The following RASA1 variants were observed in gnomAD, a reference collection of about 807,000 sequenced individuals.
RASA1 encodes the protein ras GTPase-activating protein 1.
RASA1 carries 25 observed loss-of-function variants against 132.2 expected under a neutral mutation model. The observed-to-expected ratio is 0.19, with a 90% CI of 0.14 to 0.26. The LOEUF is 0.26. Ranked by LOEUF, RASA1 falls within the 10% of genes least tolerant of loss-of-function variation. RASA1 has a pLI of 1.00. For synonymous variants in RASA1, 477 were observed against 449.9 expected, an observed-to-expected ratio of 1.06 and a Z score of -0.76; for missense variants, 964 against 1,299.2, an observed-to-expected ratio of 0.74 and a Z score of 3.97.
At chr5:87,387,534 G>GT (rs1391718396) in intron 23 of RASA1, among the ~76,000 whole-genome samples, 1 of 152,110 alleles carries the variant, frequency 6.6e-6, no homozygotes, top group Non-Finnish European at 1.5e-5. Flanking sequence ...AAACTTATTA[G>GT]TAATTCAGTT....
At chr5:87,284,225 A>G (rs751501993) in intron 1 of RASA1, among the ~76,000 whole-genome samples, 10 of 152,164 alleles carry the variant, frequency 6.6e-5, no homozygotes, top group Non-Finnish European at 8.8e-5. Context: ...TGAGGATGCA[A>G]TTGTAGTGTT....
chr5:87,338,536 A>ATATATATATTTTTT, intron 5 of RASA1, among the ~76,000 whole-genome samples: 7 of 85,216 alleles, frequency 8.2e-5, no homozygotes, highest in East Asian at 9.9e-4. Flanking sequence ...TATATATAAA[A>ATATATATATTTTTT]TTTTTTTTTT....
chr5:87,362,698 C>A (rs2112457579), intron 10 of RASA1, 27 bp downstream of exon 10: 1 of 1,594,486 alleles, frequency 6.3e-7, no homozygotes, highest in Non-Finnish European at 8.6e-7. Context: ...ATCATTAACC[C>A]ATTTGATAGA....
At chr5:87,304,885 G>T (rs1580220901) in intron 1 of RASA1, among the ~76,000 whole-genome samples, 1 of 134,218 alleles carries the variant, frequency 7.5e-6, no homozygotes, top group Non-Finnish European at 1.6e-5. Flanking sequence ...ATTCTTTCCT[G>T]TAGGTTAGGA....
chr5:87,379,560 G>A (rs1761560856), intron 18 of RASA1, among the ~76,000 whole-genome samples, 175 bp from the exon 19 acceptor site: 1 of 152,090 alleles, frequency 6.6e-6, no homozygotes, highest in Non-Finnish European at 1.5e-5. Context: ...CCTACCAGGA[G>A]GAGTTCCATA....
At chr5:87,322,505 T>C (rs560081790) in intron 1 of RASA1, among the ~76,000 whole-genome samples, 18 of 152,150 alleles carry the variant, frequency 1.2e-4, no homozygotes, top group African/African-American at 3.4e-4. Context: ...GTGCCGGAGG[T>C]TGGGGACTAC....
intron 20 of RASA1, 32 bp from the exon 21 acceptor site, chr5:87,383,681 A>AAT: frequency 6.8e-7 from 1 of 1,474,422 alleles, no homozygotes; most frequent in Non-Finnish European, 9.2e-7. Context: ...TGTTTTCTAA[A>AAT]AAAAAAAAAA....
Position 87,297,410 on chromosome 5 carries a change from T to C in RASA1, c.539+28420T>C, listed in dbSNP as rs1053085735. On this transcript the variant is annotated intron_variant, in intron 1 of 24. Transcript: ENST00000274376. ...ATGTAGTTATAAGGGAGGCATTGTG[T>C]AGTTCTAGTATTAGGTCCCAGTTTT... Among the ~76,000 whole-genome samples, 10 of 152,330 alleles carry C rather than the reference T, an allele frequency of 6.6e-5. No homozygotes were observed. The East Asian group carries it at 1.7e-3, about 26-fold the overall frequency.
At chr5:87,282,302 C>T (rs755418882) in intron 1 of RASA1, among the ~76,000 whole-genome samples, 9 of 152,100 alleles carry the variant, frequency 5.9e-5, no homozygotes, top group Non-Finnish European at 1.3e-4. Flanking sequence ...GTCATTATTT[C>T]ACCATTATTC....
In RASA1 at chr5:87,347,721, T is replaced by C. The variant is rs57144079; in HGVS notation, c.1102+997T>C. ...GGTTAAGTAGGTTCAAAAAATAAGTTAAAAAAGATTATGATAATGCTATAT... is the reference window on the plus strand; with the variant it reads ...GGTTAAGTAGGTTCAAAAAATAAGTCAAAAAAGATTATGATAATGCTATAT... On this transcript the variant is annotated intron_variant, in intron 7 of 24. Transcript: ENST00000274376. Among the ~76,000 whole-genome samples, 1,193 of 152,084 alleles carry C rather than the reference T, an allele frequency of 7.8e-3. 21 individuals carry two copies. Among genetic ancestry groups the C allele is most frequent in the African/African-American group, 0.028 (1,143 of 41,530 alleles).
chr5:87,290,843 T>C (rs182266218), intron 1 of RASA1, among the ~76,000 whole-genome samples: 1 of 152,378 alleles, frequency 6.6e-6, no homozygotes, highest in African/African-American at 2.4e-5. Flanking sequence ...TTTGTCTGAA[T>C]GCACCATAAT....
chr5:87,276,282 C>T (rs1444595387), intron 1 of RASA1, among the ~76,000 whole-genome samples: 2 of 152,132 alleles, frequency 1.3e-5, no homozygotes, highest in Non-Finnish European at 2.9e-5. Context: ...TAATTTTAAA[C>T]CAAAAATACT....
chr5:87,307,748 A>T (rs1419152300), intron 1 of RASA1, among the ~76,000 whole-genome samples: 1 of 152,092 alleles, frequency 6.6e-6, no homozygotes, highest in Non-Finnish European at 1.5e-5. Flanking sequence ...TCTCTCCAAG[A>T]ACCAACTTTT....
chr5:87,305,083 T>C (rs1290892302), intron 1 of RASA1, among the ~76,000 whole-genome samples: 1 of 152,150 alleles, frequency 6.6e-6, no homozygotes, highest in Non-Finnish European at 1.5e-5. Flanking sequence ...TTTCAGAAAT[T>C]TGAAGATATT....
intron 1 of RASA1, among the ~76,000 whole-genome samples, chr5:87,273,886 C>CG (rs1561248380): frequency 6.6e-6 from 1 of 151,958 alleles, no homozygotes; most frequent in African/African-American, 2.4e-5. Context: ...TTAGTAGAGA[C>CG]GGGGTTTCAC....
rs146854320 is a variant in RASA1, at chr5:87,360,370, C to T, written c.1333-2181C>T. Among the ~76,000 whole-genome samples the T allele has an allele frequency of 4.1e-3, 622 of 152,182 alleles. 6 individuals are homozygous for T. Among genetic ancestry groups the T allele is most frequent in the African/African-American group, 0.014 (596 of 41,532 alleles). On this transcript the variant is annotated intron_variant, in intron 9 of 24. Transcript: ENST00000274376. ...AACTCCTGACTTCAGATGATGTGCC[C>T]GCCTCGGCCTCCTAAAGTACTGGGA...
chr5:87,320,990 A>G (rs1307903471), intron 1 of RASA1, among the ~76,000 whole-genome samples: 1 of 152,202 alleles, frequency 6.6e-6, no homozygotes, highest in South Asian at 2.1e-4. Context: ...TTGAATAGCA[A>G]TTTGTACACT....
Position 87,391,889 on chromosome 5 carries a change from TTAAAA to T in RASA1, c.*1012_*1016del, listed in dbSNP as rs1762553536. 4.4e-6 allele frequency: 1 copy of T among 229,576 alleles called. No individual in the cohort carries two copies. The highest frequency in any genetic ancestry group is 8.6e-6 in the Non-Finnish European group (1 of 115,750). 14.2% of individuals were successfully genotyped at this position (229,576 alleles called of 1,614,324 possible). On this transcript the variant is annotated 3_prime_UTR_variant, in exon 25 of 25. Transcript: ENST00000274376. The stretch of plus-strand genomic sequence containing the variant: ...TTGTGAAGTATTCACAAAGGTTAAG[TTAAAA>T]TAAAACCAAGGGATATCTTGCATAA...
chr5:87,346,386 C>T (rs1368393811), intron 6 of RASA1, among the ~76,000 whole-genome samples: 1 of 151,848 alleles, frequency 6.6e-6, no homozygotes, highest in African/African-American at 2.4e-5. Flanking sequence ...AAAAAAAAGA[C>T]CTATAACAGT....
Sources: allele counts gnomAD v4.1 joint callset (sites outside exome capture counted in the v4.1 genomes callset), GRCh38; gene constraint gnomAD v4.1.1; transcripts MANE v1.5; gene names NCBI Gene and HGNC (gene_info 2026-07-23, HGNC 2026-07-21).